The following UGT1A6 variants were observed in gnomAD, a reference collection of about 807,000 sequenced individuals.
UGT1A6 encodes the protein UDP glucuronosyltransferase family 1 member A6, also known as UDP-glucuronosyltransferase 1A6.
UGT1A6 carries 32 observed loss-of-function variants against 44.4 expected under a neutral mutation model. That is an observed-to-expected ratio of 0.72 (90% CI 0.54 to 0.97). UGT1A6 has a LOEUF of 0.97. UGT1A6 is among the 50% of genes least tolerant of loss of function. UGT1A6 has a pLI of 0.00. For missense variants in UGT1A6, 685 were observed against 661.9 expected (o/e 1.03, Z -0.38); for synonymous variants, 238 against 248.5 (o/e 0.96, Z 0.40).
At position 233,747,294 on chromosome 2, in the gene UGT1A6, G is replaced by T. The variant is rs1361092863; in HGVS notation, c.862-19740G>T. 2.5e-6 allele frequency: 4 copies of T among 1,601,728 alleles called. No homozygotes were observed. In the Admixed American group the frequency reaches 6.7e-5, roughly 27 times the overall value. ...TTCTCAGTGCCCAGCCCTGGGCTGA[G>T]AGTGGGAAGGTGCTGGTGGTACCCA... On this transcript the variant is annotated intron_variant, in intron 1 of 4. Transcript: ENST00000305139.
intron 1 of UGT1A6, among the ~76,000 whole-genome samples, chr2:233,715,946 TTGAC>T (rs1026670441): frequency 8.5e-5 from 13 of 152,220 alleles, no homozygotes; most frequent in African/African-American, 2.9e-4. Flanking sequence ...TTGTGGTTTG[TTGAC>T]TGACTGACTG....
rs566254737 is a variant in UGT1A6, at chr2:233,705,102, C to T, written c.861+11237C>T. 1.4e-4 allele frequency among the ~76,000 whole-genome samples: 21 copies of T among 150,040 alleles called. No homozygotes were observed. In the East Asian group the frequency reaches 3.3e-3, roughly 24 times the overall value. On this transcript the variant is annotated intron_variant, in intron 1 of 4. Transcript: ENST00000305139. ...AGAGAGCCAAGATCGTGCCATTGCA[C>T]GCCAGCCTGGGGGACAAGAGCGAGA...
intron 1 of UGT1A6, chr2:233,708,386 G>A (rs1189404763): frequency 1.3e-5 from 2 of 152,170 alleles, no homozygotes; most frequent in Non-Finnish European, 2.9e-5. Flanking sequence ...TTTTGTGTGT[G>A]TGTGTTTACT....
At chr2:233,714,940 G>A (rs1254793883) in intron 1 of UGT1A6, among the ~76,000 whole-genome samples, 1 of 152,148 alleles carries the variant, frequency 6.6e-6, no homozygotes, top group Admixed American at 6.5e-5. Flanking sequence ...GCAGTGGTGG[G>A]ATCTTGGCTC....
At position 233,769,083 on chromosome 2, in the gene UGT1A6, A is replaced by G. The variant is rs1376592971; in HGVS notation, c.1301+644A>G. On this transcript the variant is annotated intron_variant, in intron 4 of 4. Coordinates refer to ENST00000305139, the MANE Select transcript of UGT1A6 (RefSeq NM_001072.4). This position sits in a 1 kb window ranked among gnomAD's most constrained non-coding sequence, Gnocchi z 4.4. The stretch of plus-strand genomic sequence containing the variant: ...ACAGAAAGAAATACTCCATTATAAG[A>G]AGCATAGTATCTTTAAGAGAAAAAC... 1.3e-5 allele frequency among the ~76,000 whole-genome samples: 2 copies of G among 152,224 alleles called. No homozygotes were observed. Among genetic ancestry groups the G allele is most frequent in the Non-Finnish European group, 2.9e-5 (2 of 68,046 alleles).
At chr2:233,718,925 C>T (rs752437022) in intron 1 of UGT1A6, 5 of 1,614,078 alleles carry the variant, frequency 3.1e-6, no homozygotes, top group Middle Eastern at 1.7e-4. Context: ...TGGTGGTGCC[C>T]ACTGATGGCA....
At chr2:233,735,490 G>T (rs1335131931) in intron 1 of UGT1A6, among the ~76,000 whole-genome samples, 1 of 152,096 alleles carries the variant, frequency 6.6e-6, no homozygotes, top group Non-Finnish European at 1.5e-5. Context: ...TTTTTTAATT[G>T]CAGCATTTAG....
intron 1 of UGT1A6, chr2:233,729,086 A>G: frequency 6.2e-7 from 1 of 1,612,434 alleles, no homozygotes; most frequent in African/African-American, 1.3e-5. Flanking sequence ...TAGCAGGCAC[A>G]GCGTGGGGTG....
At chr2:233,713,649 C>T in intron 1 of UGT1A6, 6 of 1,613,990 alleles carry the variant, frequency 3.7e-6, no homozygotes, top group Non-Finnish European at 5.1e-6. Flanking sequence ...CCCTCTGGCC[C>T]TGTCCTACCT....
intron 1 of UGT1A6, among the ~76,000 whole-genome samples, chr2:233,705,054 T>C (rs1353649860): frequency 6.6e-6 from 1 of 151,808 alleles, no homozygotes; most frequent in Non-Finnish European, 1.5e-5. Context: ...GAGAATTGCT[T>C]GAACCCGGGA....
chr2:233,711,855 C>A (rs922425010), intron 1 of UGT1A6, among the ~76,000 whole-genome samples: 2 of 152,178 alleles, frequency 1.3e-5, no homozygotes, highest in Non-Finnish European at 2.9e-5. Flanking sequence ...TTGCCAAGCA[C>A]AAGTATGAGT....
At chr2:233,736,085 G>T (rs1296774053) in intron 1 of UGT1A6, among the ~76,000 whole-genome samples, 5 of 152,146 alleles carry the variant, frequency 3.3e-5, no homozygotes, top group African/African-American at 9.7e-5. Flanking sequence ...AGTTCTCCTG[G>T]ATAATATCCT....
Position 233,744,108 on chromosome 2 carries a change from T to A in UGT1A6, c.862-22926T>A, listed in dbSNP as rs537609237. 59 of 394,748 alleles carry A rather than the reference T, an allele frequency of 1.5e-4. No individual in the cohort carries two copies. The East Asian group carries it at 2.4e-3, about 16-fold the overall frequency. The allele number at this position is 394,748 out of a possible 1,614,324, so 24.5% of individuals were successfully genotyped here. On this transcript the variant is annotated intron_variant, in intron 1 of 4. Coordinates refer to ENST00000305139, the MANE Select transcript of UGT1A6 (RefSeq NM_001072.4). ...GATGCAGTGCTTCTGGGACTGGCCC[T>A]GCTCTCTGTGAGGCTCTGTGAGGCC...
chr2:233,772,368 G>C lies in UGT1A6; in HGVS notation c.1408G>C (p.Ala470Pro). Reference protein sequence around the residue: ...WVEFVMRHKGAPHLRPAAHDL... With the variant: ...WVEFVMRHKGPPHLRPAAHDL... Reference sequence around the variant, plus strand: ...GGAGTTTGTGATGAGGCACAAGGGCGCGCCACACCTGCGCCCCGCAGCCCA... The same window carrying C: ...GGAGTTTGTGATGAGGCACAAGGGCCCGCCACACCTGCGCCCCGCAGCCCA... Residue 470 changes from alanine (A) to proline (P), a missense_variant, in exon 5 of 5, where the codon GCG (alanine) becomes CCG (proline). Coordinates refer to ENST00000305139, the MANE Select transcript of UGT1A6 (RefSeq NM_001072.4). 6.2e-7 allele frequency: 1 copy of C among 1,614,220 alleles called. No homozygotes were observed. The highest frequency in any genetic ancestry group is 1.1e-5 in the South Asian group (1 of 91,078).
At chr2:233,760,220 G>C (rs1697349973) in intron 1 of UGT1A6, 2 of 1,593,686 alleles carry the variant, frequency 1.3e-6, no homozygotes, top group South Asian at 2.2e-5. Flanking sequence ...TTGGTGTATC[G>C]ATTGGTTTTT....
At chr2:233,761,270 C>G (rs990068200) in intron 1 of UGT1A6, 25 of 1,591,850 alleles carry the variant, frequency 1.6e-5, no homozygotes, top group Non-Finnish European at 2.1e-5. Flanking sequence ...AAAATGCCCT[C>G]TTTTGTTAAT....
Position 233,767,071 on chromosome 2 carries a change from G to C in UGT1A6, c.899G>C (p.Gly300Ala). 1 of 1,614,098 alleles carries C rather than the reference G, an allele frequency of 6.2e-7. No homozygotes were observed. The highest frequency in any genetic ancestry group is 8.5e-7 in the Non-Finnish European group (1 of 1,180,012). ...TACATTAATGCTTCTGGAGAACATG[G>C]AATTGTGGTTTTCTCTTTGGGATCA... The part of the protein sequence containing the change: ...EAYINASGEH[G>A]IVVFSLGSMV... The change falls in exon 2 of 5, where the codon GGA (glycine) becomes GCA (alanine). Residue 300 changes from glycine (G) to alanine (A), a missense_variant. Gly to Ala is a moderately conservative substitution (Grantham distance 60). Coordinates refer to ENST00000305139, the MANE Select transcript of UGT1A6 (RefSeq NM_001072.4).
At chr2:233,771,833 T>G (rs1411315562) in intron 4 of UGT1A6, among the ~76,000 whole-genome samples, 1 of 137,650 alleles carries the variant, frequency 7.3e-6, no homozygotes, top group Non-Finnish European at 1.6e-5. Flanking sequence ...CCTTCCCTCC[T>G]TCTCTTCCTT....
At position 233,729,426 on chromosome 2, in the gene UGT1A6, C is replaced by T. The variant is rs141561137; in HGVS notation, c.861+35561C>T. On this transcript the variant is annotated intron_variant, in intron 1 of 4. Coordinates refer to ENST00000305139, the MANE Select transcript of UGT1A6 (RefSeq NM_001072.4). The stretch of plus-strand genomic sequence containing the variant: ...ATGTGCTGGGCCACACTCAACTGTA[C>T]TTTGAAACAGAACATTTTCTGAAGA... The T allele has an allele frequency of 1.1e-4, 183 of 1,613,828 alleles. 1 individual carries two copies. The African/African-American group carries it at 2.1e-3, about 19-fold the overall frequency.
Sources: gnomAD v4.1 joint callset for allele counts (sites outside exome capture counted in the v4.1 genomes callset) on GRCh38, gnomAD v4.1.1 for gene constraint, Gnocchi (gnomAD v3.1) non-coding constraint, MANE v1.5 for transcripts, NCBI Gene and HGNC (gene_info 2026-07-23, HGNC 2026-07-21) for gene names.